Variants in ERC2 observed in about 807,000 individuals in gnomAD.
ERC2 encodes the protein ERC protein 2.
A neutral mutation model predicts 114.8 loss-of-function variants in ERC2; 42 were observed. That is an observed-to-expected ratio of 0.37 (90% CI 0.29 to 0.47). The LOEUF (loss-of-function observed/expected upper bound fraction) is 0.47, where lower values mean the gene tolerates loss of function less well. ERC2 is among the 20% of genes least tolerant of loss of function. ERC2 has a pLI of 0.99. For synonymous variants in ERC2, 454 were observed against 425.5 expected, an observed-to-expected ratio of 1.07 and a Z score of -0.82; for missense variants, 939 against 1,150.7, an observed-to-expected ratio of 0.82 and a Z score of 2.66.
intron 3 of ERC2, among the ~76,000 whole-genome samples, chr3:56,212,469 G>T (rs1353010114): frequency 6.6e-6 from 1 of 152,168 alleles, no homozygotes; most frequent in Admixed American, 6.5e-5. Context: ...TGTTGGTGTG[G>T]ACGTGGTAAA....
intron 2 of ERC2, among the ~76,000 whole-genome samples, chr3:56,359,470 T>G (rs1052591390): frequency 2.6e-5 from 4 of 152,238 alleles, no homozygotes; most frequent in Admixed American, 1.3e-4. Context: ...ACAAATATTC[T>G]ATTAACTGCT....
At chr3:55,773,003 T>A (rs543173265) in intron 14 of ERC2, among the ~76,000 whole-genome samples, 1 of 152,298 alleles carries the variant, frequency 6.6e-6, no homozygotes, top group African/African-American at 2.4e-5. Context: ...ATGCCTGGAT[T>A]ATTGCAATGG....
At chr3:55,624,497 A>T (rs1290754406) in intron 17 of ERC2, among the ~76,000 whole-genome samples, 1 of 152,156 alleles carries the variant, frequency 6.6e-6, no homozygotes, top group East Asian at 1.9e-4. Context: ...TGCTGAGAGG[A>T]CAGAGAGGAA....
chr3:56,009,296 C>G (rs13090252), intron 9 of ERC2, among the ~76,000 whole-genome samples: 1 of 152,188 alleles, frequency 6.6e-6, no homozygotes, highest in Non-Finnish European at 1.5e-5. Flanking sequence ...AACTCAGAAT[C>G]AGCAGTGGAA....
At chr3:55,991,778 A>G (rs1163580940) in intron 11 of ERC2, among the ~76,000 whole-genome samples, 1 of 152,196 alleles carries the variant, frequency 6.6e-6, no homozygotes, top group Non-Finnish European at 1.5e-5. Flanking sequence ...AATTTCTTAC[A>G]CACTTCGCTG....
chr3:55,989,660 T>C (rs1011799301), intron 11 of ERC2, among the ~76,000 whole-genome samples: 1 of 152,182 alleles, frequency 6.6e-6, no homozygotes, highest in African/African-American at 2.4e-5. Context: ...TAGATTCTTA[T>C]GAGCTCTGCA....
At chr3:56,117,959 G>T (rs150772724) in intron 6 of ERC2, among the ~76,000 whole-genome samples, 1 of 152,360 alleles carries the variant, frequency 6.6e-6, no homozygotes, top group South Asian at 2.1e-4. Flanking sequence ...CAGAGGAAAT[G>T]CAAGGAAGAA....
At chr3:56,448,647 C>G (rs974655286) in intron 1 of ERC2, among the ~76,000 whole-genome samples, 1 of 152,188 alleles carries the variant, frequency 6.6e-6, no homozygotes, top group African/African-American at 2.4e-5. Flanking sequence ...CCAAACAGTA[C>G]ACATTTTAGG....
chr3:55,950,957 C>T (rs2067461742), intron 12 of ERC2, among the ~76,000 whole-genome samples: 1 of 152,172 alleles, frequency 6.6e-6, no homozygotes, highest in Non-Finnish European at 1.5e-5. Context: ...GATGCTGTGG[C>T]CAGGGAAAGC....
At chr3:55,628,471 T>C (rs1395974441) in intron 17 of ERC2, among the ~76,000 whole-genome samples, 4 of 152,244 alleles carry the variant, frequency 2.6e-5, no homozygotes, top group South Asian at 2.1e-4. Context: ...TTGAAAACCA[T>C]CTCATATTAT....
intron 2 of ERC2, among the ~76,000 whole-genome samples, chr3:56,388,244 G>C (rs1447470498): frequency 1.3e-5 from 2 of 152,102 alleles, no homozygotes; most frequent in Non-Finnish European, 1.5e-5. Flanking sequence ...TTGGATCATG[G>C]GGACAGATCC....
intron 3 of ERC2, among the ~76,000 whole-genome samples, chr3:56,229,458 C>T (rs9844806): frequency 0.027 from 4,062 of 152,194 alleles, 62 homozygotes; most frequent in Middle Eastern, 0.051. Flanking sequence ...AATATCCAAC[C>T]GGAATGGAAC....
At chr3:55,871,566 G>A (rs143229298) in intron 14 of ERC2, among the ~76,000 whole-genome samples, 660 of 152,262 alleles carry the variant, frequency 4.3e-3, no homozygotes, top group Middle Eastern at 0.014. Context: ...TTCAAAATCC[G>A]GAAGAGGCAC....
intron 15 of ERC2, among the ~76,000 whole-genome samples, chr3:55,714,633 G>GTA (rs1461459398): frequency 1.5e-5 from 2 of 130,572 alleles, no homozygotes; most frequent in African/African-American, 2.9e-5. Context: ...ATATGGGTTT[G>GTA]TATATATGTG....
chr3:56,094,229 T>G (rs1560162739), intron 6 of ERC2, among the ~76,000 whole-genome samples: 1 of 152,190 alleles, frequency 6.6e-6, no homozygotes, highest in Non-Finnish European at 1.5e-5. Flanking sequence ...GGGAACACAC[T>G]GCTGAAAGGG....
chr3:56,055,738 T>C (rs1160243637), intron 7 of ERC2, among the ~76,000 whole-genome samples: 1 of 152,200 alleles, frequency 6.6e-6, no homozygotes, highest in Non-Finnish European at 1.5e-5. Flanking sequence ...GAGACTCTTC[T>C]TATTTTCAGT....
chr3:56,212,790 C>T (rs535177062), intron 3 of ERC2, among the ~76,000 whole-genome samples: 1 of 129,600 alleles, frequency 7.7e-6, no homozygotes, highest in African/African-American at 2.6e-5. Context: ...TATACATATA[C>T]ATATACACAC....
At chr3:55,659,603 C>T (rs182778121) in intron 17 of ERC2, among the ~76,000 whole-genome samples, 14 of 152,152 alleles carry the variant, frequency 9.2e-5, no homozygotes, top group Non-Finnish European at 1.0e-4. Context: ...CACCCACATC[C>T]GTCCATGCCA....
At chr3:55,814,031 G>A (rs1354355052) in intron 14 of ERC2, among the ~76,000 whole-genome samples, 1 of 152,196 alleles carries the variant, frequency 6.6e-6, no homozygotes, top group Non-Finnish European at 1.5e-5. Context: ...GATGAAGTAA[G>A]ATATGAAGTT....
Sources: gnomAD v4.1 joint callset for allele counts (sites outside exome capture counted in the v4.1 genomes callset) on GRCh38, gnomAD v4.1.1 for gene constraint, MANE v1.5 for transcripts, NCBI Gene and HGNC (gene_info 2026-07-23, HGNC 2026-07-21) for gene names.